Variants in PLCXD3 observed in about 807,000 individuals in gnomAD.
The protein encoded by PLCXD3 is PI-PLC X domain-containing protein 3.
PLCXD3 carries 19 observed loss-of-function variants against 25.5 expected under a neutral mutation model. The ratio of observed to expected loss-of-function variants is 0.75; its 90% CI spans 0.52 to 1.09. The LOEUF (loss-of-function observed/expected upper bound fraction) is 1.09. PLCXD3 is among the 50% of genes least tolerant of loss of function. PLCXD3 has a pLI of 0.00. For synonymous variants in PLCXD3, 174 were observed against 137.6 expected (o/e 1.26, Z -1.85); for missense variants, 411 against 388.1 (o/e 1.06, Z -0.50).
intron 2 of PLCXD3, among the ~76,000 whole-genome samples, chr5:41,367,506 ATTTG>A (rs1744971001): frequency 6.6e-6 from 1 of 151,888 alleles, no homozygotes; most frequent in African/African-American, 2.4e-5. Context: ...TTTCTTGTAA[ATTTG>A]TTTAAGTTCC....
chr5:41,338,847 G>A (rs1399620212), intron 2 of PLCXD3, among the ~76,000 whole-genome samples: 8 of 151,896 alleles, frequency 5.3e-5, no homozygotes, highest in African/African-American at 1.9e-4. Flanking sequence ...ACTCTTTTCT[G>A]TGTGCTCCAC....
chr5:41,355,470 C>G (rs1180122391), intron 2 of PLCXD3, among the ~76,000 whole-genome samples: 7 of 152,278 alleles, frequency 4.6e-5, no homozygotes, highest in African/African-American at 1.7e-4. Context: ...AACCCCTATG[C>G]TCCTGTTTCA....
At chr5:41,350,294 G>A (rs1423664838) in intron 2 of PLCXD3, among the ~76,000 whole-genome samples, 2 of 152,132 alleles carry the variant, frequency 1.3e-5, no homozygotes, top group Non-Finnish European at 2.9e-5. Context: ...GGTCCTCAGA[G>A]TTCTATTTGC....
At chr5:41,316,158 GAT>G (rs1743284814) in intron 2 of PLCXD3, among the ~76,000 whole-genome samples, 1 of 152,140 alleles carries the variant, frequency 6.6e-6, no homozygotes, top group Non-Finnish European at 1.5e-5. Flanking sequence ...TTGCCTCTTG[GAT>G]ACCAGCTCAG....
chr5:41,336,237 G>T (rs1743975976), intron 2 of PLCXD3, among the ~76,000 whole-genome samples: 1 of 152,108 alleles, frequency 6.6e-6, no homozygotes, highest in Admixed American at 6.6e-5. Flanking sequence ...ATAGATAGGT[G>T]GTATGGCATA....
intron 2 of PLCXD3, among the ~76,000 whole-genome samples, chr5:41,357,281 A>G (rs1447715123): frequency 6.6e-6 from 1 of 152,232 alleles, no homozygotes; most frequent in Non-Finnish European, 1.5e-5. Flanking sequence ...GTATAAAGCA[A>G]TATAGCTGTC....
chr5:41,471,928 CTCCCT>C (rs1362892087), intron 1 of PLCXD3, among the ~76,000 whole-genome samples: 3 of 22,952 alleles, frequency 1.3e-4, no homozygotes, highest in African/African-American at 4.0e-4. Context: ...TTCCCTTCCC[CTCCCT>C]TCCCCTCCCC....
rs1301423758 is a variant in PLCXD3 at position 41,381,878 on chromosome 5, T to C, written c.760A>G (p.Ser254Gly). 2.5e-6 allele frequency: 4 copies of C among 1,613,102 alleles called. No homozygotes were observed. Among genetic ancestry groups the C allele is most frequent in the Non-Finnish European group, 3.4e-6 (4 of 1,179,626 alleles). ...ISQVVLTPKASTVVKGVASGL... is the reference protein window; with the variant it reads ...ISQVVLTPKAGTVVKGVASGL... The stretch of plus-strand genomic sequence containing the variant: ...CTTGCCACCCCTTTGACCACAGTGC[T>C]AGCTTTGGGGGTCAGCACCACCTGA... Residue 254 changes from serine to glycine, a missense_variant, in exon 2 of 3, where the codon AGC (serine) becomes GGC (glycine). Physicochemically the swap from Ser to Gly is moderately conservative, Grantham distance 56 (BLOSUM62 0). Coordinates refer to ENST00000377801, the MANE Select transcript of PLCXD3 (RefSeq NM_001005473.3).
At chr5:41,423,609 T>C (rs1294437421) in intron 1 of PLCXD3, among the ~76,000 whole-genome samples, 1 of 152,080 alleles carries the variant, frequency 6.6e-6, no homozygotes, top group Non-Finnish European at 1.5e-5. Flanking sequence ...ATGATTATAT[T>C]ATTACTTTAT....
chr5:41,351,958 A>C (rs986886165), intron 2 of PLCXD3, among the ~76,000 whole-genome samples: 1 of 152,186 alleles, frequency 6.6e-6, no homozygotes, highest in Non-Finnish European at 1.5e-5. Flanking sequence ...AATAATTGCA[A>C]TGTTCTGGCA....
chr5:41,462,063 C>T (rs370225654), intron 1 of PLCXD3, among the ~76,000 whole-genome samples: 7 of 152,022 alleles, frequency 4.6e-5, no homozygotes, highest in African/African-American at 1.7e-4. Flanking sequence ...TTTAGAAAGG[C>T]GTTTAATCTA....
intron 1 of PLCXD3, among the ~76,000 whole-genome samples, chr5:41,400,415 A>G (rs1437057588): frequency 1.3e-5 from 2 of 152,164 alleles, no homozygotes; most frequent in Admixed American, 6.6e-5. Flanking sequence ...TGTTTACAAT[A>G]CCTAAGATTT....
chr5:41,439,571 C>CA (rs1424114711), intron 1 of PLCXD3, among the ~76,000 whole-genome samples: 1 of 152,042 alleles, frequency 6.6e-6, no homozygotes, highest in Non-Finnish European at 1.5e-5. Flanking sequence ...GAATAGTCTC[C>CA]AAGTTCTAAG....
At chr5:41,469,319 A>T (rs1294462633) in intron 1 of PLCXD3, among the ~76,000 whole-genome samples, 6 of 152,018 alleles carry the variant, frequency 3.9e-5, no homozygotes, top group Admixed American at 3.3e-4. Context: ...TTTATCAAGG[A>T]TATTGGCCTA....
intron 1 of PLCXD3, among the ~76,000 whole-genome samples, chr5:41,502,090 A>G (rs1470175734): frequency 6.6e-6 from 1 of 152,158 alleles, no homozygotes; most frequent in African/African-American, 2.4e-5. Context: ...AACTGATGAC[A>G]CAGGAAAGAG....
At chr5:41,331,643 T>G (rs1008324315) in intron 2 of PLCXD3, among the ~76,000 whole-genome samples, 5 of 152,164 alleles carry the variant, frequency 3.3e-5, no homozygotes, top group African/African-American at 1.2e-4. Flanking sequence ...AAGTCAATCC[T>G]AAGCCAAAAG....
intron 1 of PLCXD3, among the ~76,000 whole-genome samples, chr5:41,411,702 T>A (rs1323752675): frequency 2.0e-5 from 3 of 151,434 alleles, no homozygotes; most frequent in East Asian, 3.9e-4. Flanking sequence ...ATTCCCAAAC[T>A]CCTTACTCCA....
chr5:41,503,401 A>G (rs530956078), intron 1 of PLCXD3, among the ~76,000 whole-genome samples: 2 of 152,320 alleles, frequency 1.3e-5, no homozygotes, highest in Admixed American at 1.3e-4. Flanking sequence ...CGCATTTAAG[A>G]TAGAGTGTTG....
At position 41,321,708 on chromosome 5, in the gene PLCXD3, G is replaced by A. The variant is rs141911444; in HGVS notation, c.813-7938C>T. Among the ~76,000 whole-genome samples the A allele has an allele frequency of 3.3e-4, 50 of 152,208 alleles. 2 individuals are homozygous for A. The highest frequency in any genetic ancestry group is 1.2e-3 in the African/African-American group (48 of 41,522). On this transcript the variant is annotated intron_variant, in intron 2 of 2. Transcript: ENST00000377801. ...GAGAAATACTAACTAACACAGCATG[G>A]CACTGGCATAAAAACAGACACATAG...
Sources: gnomAD v4.1 joint callset for allele counts (sites outside exome capture counted in the v4.1 genomes callset) on GRCh38, gnomAD v4.1.1 for gene constraint, MANE v1.5 for transcripts, NCBI Gene and HGNC (gene_info 2026-07-23, HGNC 2026-07-21) for gene names.